PCDHGA10: variants seen among roughly 807,000 people sequenced by gnomAD.
The protein encoded by PCDHGA10 is protocadherin gamma-A10.
PCDHGA10 carries 42 observed loss-of-function variants against 59.5 expected under a neutral mutation model. The ratio of observed to expected loss-of-function variants is 0.71; its 90% CI spans 0.55 to 0.91. PCDHGA10 has a LOEUF of 0.91. PCDHGA10 is among the 40% of genes least tolerant of loss of function. The probability of loss-of-function intolerance (pLI) is 0.00; values close to 1 mark genes in which losing one functional copy is unlikely to be tolerated. For missense variants in PCDHGA10, 1,111 were observed against 1,198.2 expected, an observed-to-expected ratio of 0.93 and a Z score of 1.07; for synonymous variants, 511 against 517.2, an observed-to-expected ratio of 0.99 and a Z score of 0.16.
rs1354510383 is a variant in PCDHGA10, at chr5:141,432,312, G to A, written c.2436+16701G>A. The A allele has an allele frequency of 5.6e-6, 9 of 1,614,132 alleles. No homozygotes were observed. The highest frequency in any genetic ancestry group is 7.6e-6 in the Non-Finnish European group (9 of 1,180,054). On this transcript the variant is annotated intron_variant, in intron 1 of 3. Transcript: ENST00000398610. The surrounding 1 kb of genome is among the most constrained non-coding windows in gnomAD (Gnocchi z 6.0). Reference sequence around the variant, plus strand: ...GACACTGGGGTACTGTATGCGCTGAGCTCCTTCGACTACGAGCAGTTCCGA... The same window carrying A: ...GACACTGGGGTACTGTATGCGCTGAACTCCTTCGACTACGAGCAGTTCCGA...
Position 141,432,325 on chromosome 5 carries a change from C to CGAGCA in PCDHGA10, c.2436+16716_2436+16720dup, listed in dbSNP as rs768604869. On this transcript the variant is annotated intron_variant, in intron 1 of 3. Coordinates refer to ENST00000398610, the MANE Select transcript of PCDHGA10 (RefSeq NM_018913.3). This position sits in a 1 kb window ranked among gnomAD's most constrained non-coding sequence, Gnocchi z 6.0. Reference sequence around the variant, plus strand: ...TGTATGCGCTGAGCTCCTTCGACTACGAGCAGTTCCGAGACTTGCAAGTGA... The same window carrying CGAGCA: ...TGTATGCGCTGAGCTCCTTCGACTACGAGCAGAGCAGTTCCGAGACTTGCAAGTGA... 20 of 1,614,142 alleles carry CGAGCA rather than the reference C, an allele frequency of 1.2e-5. No individual in the cohort carries two copies. Among genetic ancestry groups the CGAGCA allele is most frequent in the Non-Finnish European group, 1.7e-5 (20 of 1,180,050 alleles).
In PCDHGA10 at chr5:141,476,374, GTTTGTGAACGACCGTC is replaced by G. The variant is rs1424626307; in HGVS notation, c.2437-18431_2437-18416del. 1 of 1,614,060 alleles carries G rather than the reference GTTTGTGAACGACCGTC, an allele frequency of 6.2e-7. No individual in the cohort carries two copies. The highest frequency in any genetic ancestry group is 1.3e-5 in the African/African-American group (1 of 74,922). Reference sequence around the variant, plus strand: ...AGGTGAACCGGGAGACCGGAGAGATGTTTGTGAACGACCGTCTGGATCGAGAGGAGCTGTGTGGGAC... The same window carrying G: ...AGGTGAACCGGGAGACCGGAGAGATGTGGATCGAGAGGAGCTGTGTGGGAC... On this transcript the variant is annotated intron_variant, in intron 1 of 3. Coordinates refer to ENST00000398610, the MANE Select transcript of PCDHGA10 (RefSeq NM_018913.3). The surrounding 1 kb of genome is among the most constrained non-coding windows in gnomAD (Gnocchi z 7.6).
At chr5:141,422,683 G>A in intron 1 of PCDHGA10, 1 of 1,605,286 alleles carries the variant, frequency 6.2e-7, no homozygotes, top group Non-Finnish European at 8.5e-7. Flanking sequence ...CAAACAGAAT[G>A]CCCTGGTCAC....
intron 1 of PCDHGA10, chr5:141,478,233 T>G: frequency 6.2e-7 from 1 of 1,614,126 alleles, no homozygotes. Context: ...GTGGGGTTTG[T>G]GGTCACAGTG....
intron 1 of PCDHGA10, among the ~76,000 whole-genome samples, chr5:141,460,961 A>ATATGTGTGTGTG (rs1463306338): frequency 4.1e-5 from 6 of 144,616 alleles, no homozygotes; most frequent in Admixed American, 1.4e-4. Flanking sequence ...GTATATATAT[A>ATATGTGTGTGTG]TGTGTGTGTG....
intron 1 of PCDHGA10, among the ~76,000 whole-genome samples, chr5:141,444,732 A>G (rs2098445644): frequency 6.6e-6 from 1 of 152,194 alleles, no homozygotes; most frequent in Admixed American, 6.6e-5. Context: ...CTTTGTTGAA[A>G]GTCATTTCAC....
At position 141,413,994 on chromosome 5, in the gene PCDHGA10, G is replaced by A; in HGVS notation, c.819G>A (p.Arg273=). ...TQLLTVTATD[R]DEGANGEVTY... ...TGCTGACAGTCACAGCCACCGACAG[G>A]GACGAAGGTGCCAATGGAGAAGTGA... The change falls in exon 1 of 4, where the codon AGG becomes AGA. Residue 273 remains arginine (R), a synonymous_variant. Transcript: ENST00000398610. 6.2e-7 allele frequency: 1 copy of A among 1,613,422 alleles called. No individual in the cohort carries two copies. Among genetic ancestry groups the A allele is most frequent in the Non-Finnish European group, 8.5e-7 (1 of 1,179,800 alleles).
chr5:141,414,620 A>G lies in PCDHGA10; in HGVS notation c.1445A>G (p.Asp482Gly). ...GASIFSVTALDPDSKENAQII... is the reference protein window; with the variant it reads ...GASIFSVTALGPDSKENAQII... ...TCCATCTTCTCAGTGACAGCGCTGG[A>G]CCCGGACAGCAAAGAGAATGCCCAG... Residue 482 changes from aspartate to glycine, a missense_variant, in exon 1 of 4, where the codon GAC becomes GGC. Transcript: ENST00000398610. 2.5e-6 allele frequency: 4 copies of G among 1,613,938 alleles called. No individual in the cohort carries two copies. Among genetic ancestry groups the G allele is most frequent in the Non-Finnish European group, 3.4e-6 (4 of 1,179,872 alleles).
At chr5:141,415,859 T>C in intron 1 of PCDHGA10, 1 of 1,187,664 alleles carries the variant, frequency 8.4e-7, no homozygotes, top group Non-Finnish European at 1.1e-6. Context: ...CCTTGTAGTT[T>C]ATAGTGTTGT....
intron 1 of PCDHGA10, chr5:141,422,932 C>G: frequency 6.2e-7 from 1 of 1,614,252 alleles, no homozygotes; most frequent in Non-Finnish European, 8.5e-7. Context: ...CCCTGCCCTC[C>G]CCACAGACGG....
chr5:141,434,724 C>T (rs2097712360), intron 1 of PCDHGA10, among the ~76,000 whole-genome samples: 2 of 151,800 alleles, frequency 1.3e-5, no homozygotes, highest in Admixed American at 1.3e-4. Flanking sequence ...GTTCAGGGCT[C>T]TCAGCTCTGA....
intron 1 of PCDHGA10, among the ~76,000 whole-genome samples, chr5:141,456,935 C>T (rs894385178): frequency 5.9e-5 from 9 of 152,178 alleles, no homozygotes; most frequent in African/African-American, 2.2e-4. Context: ...TGCACTCCAG[C>T]CTGGGCAACA....
chr5:141,419,115 A>G (rs1159582360), intron 1 of PCDHGA10: 1 of 1,613,872 alleles, frequency 6.2e-7, no homozygotes, highest in Non-Finnish European at 8.5e-7. Flanking sequence ...CCAGAGTACA[A>G]CGTCACCATC....
chr5:141,413,462 G>C lies in PCDHGA10; in HGVS notation c.287G>C (p.Arg96Pro), dbSNP rs750915907. The C allele has an allele frequency of 1.9e-6, 3 of 1,614,120 alleles. No individual in the cohort carries two copies. The highest frequency in any genetic ancestry group is 2.5e-6 in the Non-Finnish European group (3 of 1,179,970). ...TTGATCACCGCGGGCAGGATAGACC[G>C]GGAGGAGCTCTGCGCTCAGAGCGCG... ...GSLITAGRID[R>P]EELCAQSARC... The change falls in exon 1 of 4, where the codon CGG (arginine) becomes CCG (proline). Residue 96 changes from arginine to proline, a missense_variant. Transcript: ENST00000398610.
At chr5:141,447,275 G>C (rs2098532748) in intron 1 of PCDHGA10, among the ~76,000 whole-genome samples, 1 of 152,154 alleles carries the variant, frequency 6.6e-6, no homozygotes, top group African/African-American at 2.4e-5. Flanking sequence ...AAGTAGCTGG[G>C]ACTACAGGCA....
In PCDHGA10 at chr5:141,476,101, A is replaced by G; in HGVS notation, c.2437-18706A>G. The G allele has an allele frequency of 6.3e-7, 1 of 1,576,386 alleles. No individual in the cohort carries two copies. Among genetic ancestry groups the G allele is most frequent in the East Asian group, 2.2e-5 (1 of 44,540 alleles). On this transcript the variant is annotated intron_variant, in intron 1 of 3. Coordinates refer to ENST00000398610, the MANE Select transcript of PCDHGA10 (RefSeq NM_018913.3). This position sits in a 1 kb window ranked among gnomAD's most constrained non-coding sequence, Gnocchi z 7.6. ...GACGATCTGGACCCCGCTGAGAGGA[A>G]CTGCTTTTGAGTGAGATGGTCCCAG... is the stretch of plus-strand genomic sequence containing the variant.
chr5:141,459,886 G>A (rs932435611), intron 1 of PCDHGA10, among the ~76,000 whole-genome samples: 2 of 152,080 alleles, frequency 1.3e-5, no homozygotes, highest in Non-Finnish European at 2.9e-5. Context: ...TGAGCTGAAC[G>A]CCTTCTTAAA....
At chr5:141,419,916 C>T in intron 1 of PCDHGA10, 1 of 1,614,080 alleles carries the variant, frequency 6.2e-7, no homozygotes, top group Non-Finnish European at 8.5e-7. Context: ...GACTCCCAGG[C>T]TGAGATGCAG....
chr5:141,442,153 C>T, intron 1 of PCDHGA10: 1 of 158,698 alleles, frequency 6.3e-6, no homozygotes, highest in Non-Finnish European at 1.4e-5. Flanking sequence ...CAGACCTCAG[C>T]GATCACTCTG....
Sources: allele counts gnomAD v4.1 joint callset (sites outside exome capture counted in the v4.1 genomes callset), GRCh38; gene constraint gnomAD v4.1.1; non-coding constraint Gnocchi (gnomAD v3.1); transcripts MANE v1.5; gene names NCBI Gene and HGNC (gene_info 2026-07-23, HGNC 2026-07-21).